Variants in MELK observed in about 807,000 individuals in gnomAD.
MELK encodes maternal embryonic leucine zipper kinase.
In MELK, 81 loss-of-function variants were observed where a neutral mutation model predicts 85.0. The ratio of observed to expected loss-of-function variants is 0.95; its 90% CI spans 0.80 to 1.15. MELK has a LOEUF of 1.15. MELK is among the 50% of genes most tolerant of loss of function. The probability of loss-of-function intolerance (pLI) is 0.00; values close to 1 mark genes in which losing one functional copy is unlikely to be tolerated. For synonymous variants in MELK, 252 were observed against 265.0 expected (o/e 0.95, Z 0.48); for missense variants, 754 against 777.5 (o/e 0.97, Z 0.36).
chr9:36,674,343 C>T (rs1467903043), intron 16 of MELK, among the ~76,000 whole-genome samples: 1 of 152,182 alleles, frequency 6.6e-6, no homozygotes, highest in African/African-American at 2.4e-5. Context: ...TTTATTTCCT[C>T]ATAGAACTGT....
chr9:36,610,621 T>C (rs181309811), intron 8 of MELK, among the ~76,000 whole-genome samples: 2 of 152,354 alleles, frequency 1.3e-5, no homozygotes, highest in Admixed American at 1.3e-4. Flanking sequence ...TTGAGCTTTC[T>C]TGAACTTTGC....
chr9:36,580,693 C>T (rs573111323), intron 1 of MELK, among the ~76,000 whole-genome samples: 52 of 151,382 alleles, frequency 3.4e-4, no homozygotes, highest in African/African-American at 1.2e-3. Context: ...ACACCCTTTT[C>T]CATGTTTTTG....
chr9:36,624,308 T>G (rs1464409381), intron 8 of MELK, among the ~76,000 whole-genome samples: 1 of 152,180 alleles, frequency 6.6e-6, no homozygotes, highest in Non-Finnish European at 1.5e-5. Flanking sequence ...CAAGGCTAAA[T>G]AGCTTGTATA....
chr9:36,665,281 C>T, intron 13 of MELK, 69 bp from the exon 14 acceptor site: 1 of 916,294 alleles, frequency 1.1e-6, no homozygotes, highest in Non-Finnish European at 1.7e-6. Flanking sequence ...TGCAAATGAT[C>T]AAGGAATGTT....
intron 11 of MELK, among the ~76,000 whole-genome samples, chr9:36,645,776 G>T (rs1478134357): frequency 2.6e-5 from 4 of 152,194 alleles, no homozygotes; most frequent in Admixed American, 6.5e-5. Context: ...GTGGTACGCA[G>T]CCAGAGTCGA....
At chr9:36,657,021 G>GTAGTAT (rs1831317962) in intron 12 of MELK, among the ~76,000 whole-genome samples, 1 of 152,208 alleles carries the variant, frequency 6.6e-6, no homozygotes, top group Admixed American at 6.5e-5. Context: ...TGTAGTGTAG[G>GTAGTAT]AGCAACAGGC....
intron 8 of MELK, among the ~76,000 whole-genome samples, chr9:36,627,053 A>AACACACAC (rs10608377): frequency 0.02 from 2,835 of 140,914 alleles, 74 homozygotes; most frequent in South Asian, 0.055. Context: ...CACAAGCGCA[A>AACACACAC]ACACACACAC....
intron 11 of MELK, among the ~76,000 whole-genome samples, chr9:36,643,704 G>A (rs553950191): frequency 2.2e-4 from 33 of 152,274 alleles, no homozygotes; most frequent in African/African-American, 5.3e-4. Context: ...GGAGGCTGAG[G>A]TGGGCGGATC....
chr9:36,610,337 G>A (rs966250772), intron 8 of MELK, among the ~76,000 whole-genome samples: 4 of 152,184 alleles, frequency 2.6e-5, no homozygotes, highest in African/African-American at 9.7e-5. Context: ...ATCCCACCTT[G>A]GAAGATTCTT....
intron 9 of MELK, 141 bp downstream of exon 9, chr9:36,630,508 C>A: frequency 1.6e-6 from 1 of 640,026 alleles, no homozygotes. Context: ...CTATTAGATC[C>A]TTTCTTAATT....
At chr9:36,585,930 CT>C (rs893492156) in intron 3 of MELK, among the ~76,000 whole-genome samples, 4 of 152,032 alleles carry the variant, frequency 2.6e-5, no homozygotes, top group Admixed American at 2.0e-4. Flanking sequence ...AGAGCAAGAT[CT>C]TGTCTAAAAA....
At chr9:36,585,558 C>T (rs1003088551) in intron 3 of MELK, among the ~76,000 whole-genome samples, 28 of 152,162 alleles carry the variant, frequency 1.8e-4, no homozygotes, top group African/African-American at 5.8e-4. Flanking sequence ...GCACCCACCT[C>T]GGCCTCCTAA....
intron 11 of MELK, among the ~76,000 whole-genome samples, chr9:36,649,671 A>T (rs1830520820): frequency 6.6e-6 from 1 of 152,028 alleles, no homozygotes; most frequent in African/African-American, 2.4e-5. Context: ...CGGGACCCTG[A>T]GGCGAGAGGA....
chr9:36,621,869 A>G (rs552220888), intron 8 of MELK, among the ~76,000 whole-genome samples: 2 of 152,286 alleles, frequency 1.3e-5, no homozygotes, highest in South Asian at 4.1e-4. Context: ...AGTGTTTTCT[A>G]CTTTTATTTA....
chr9:36,626,267 G>C (rs914172285), intron 8 of MELK, among the ~76,000 whole-genome samples: 4 of 152,088 alleles, frequency 2.6e-5, no homozygotes, highest in Non-Finnish European at 5.9e-5. Context: ...ACCCTTTTAG[G>C]ATGAAACAAA....
chr9:36,669,457 T>A lies in MELK; in HGVS notation c.1505+51T>A, dbSNP rs1487739439. On this transcript the variant is annotated intron_variant, in intron 15 of 17. Coordinates refer to ENST00000298048, the MANE Select transcript of MELK (RefSeq NM_014791.4). ...TAATCTTTAGTATATGTAACCAGATTTCCTTTTTCATGTATTAATAGACCT... is the reference window on the plus strand; with the variant it reads ...TAATCTTTAGTATATGTAACCAGATATCCTTTTTCATGTATTAATAGACCT... 2.3e-6 allele frequency: 3 copies of A among 1,330,360 alleles called. No individual in the cohort carries two copies. The African/African-American group carries it at 4.5e-5, about 20-fold the overall frequency. 82.4% of individuals were successfully genotyped at this position (1,330,360 alleles called of 1,614,324 possible).
At chr9:36,597,788 A>G (rs531374466) in intron 6 of MELK, among the ~76,000 whole-genome samples, 56 of 152,366 alleles carry the variant, frequency 3.7e-4, no homozygotes, top group Middle Eastern at 3.4e-3. Context: ...TAACTGTTAT[A>G]TATTTCCTTA....
intron 3 of MELK, among the ~76,000 whole-genome samples, chr9:36,588,119 C>T (rs1823133565): frequency 6.6e-6 from 1 of 150,700 alleles, no homozygotes; most frequent in South Asian, 2.1e-4. Context: ...CAGGCTGGAT[C>T]GATCTCGGCT....
chr9:36,659,159 G>T (rs1010937796), intron 13 of MELK, among the ~76,000 whole-genome samples: 2 of 152,118 alleles, frequency 1.3e-5, no homozygotes, highest in African/African-American at 4.8e-5. Flanking sequence ...GGGATTACAG[G>T]CTTGAGCCAC....
Sources: gnomAD v4.1 joint callset for allele counts (sites outside exome capture counted in the v4.1 genomes callset) on GRCh38, gnomAD v4.1.1 for gene constraint, MANE v1.5 for transcripts, NCBI Gene and HGNC (gene_info 2026-07-23, HGNC 2026-07-21) for gene names.